The following RAPGEF4 variants were observed in gnomAD, a reference collection of about 807,000 sequenced individuals.
RAPGEF4 encodes the protein RAP guanine-nucleotide-exchange factor (GEF) 4.
In RAPGEF4, 66 loss-of-function variants were observed where a neutral mutation model predicts 147.9. That is an observed-to-expected ratio of 0.45 (90% CI 0.37 to 0.55). The LOEUF is 0.55. Among genes scored for constraint, RAPGEF4 ranks in the 20% least tolerant of loss-of-function variants. RAPGEF4 has a pLI of 0.00. For missense variants in RAPGEF4, 1,071 were observed against 1,257.3 expected (o/e 0.85, Z 2.24); for synonymous variants, 419 against 442.7 (o/e 0.95, Z 0.67).
intron 4 of RAPGEF4, among the ~76,000 whole-genome samples, chr2:172,860,466 A>T (rs1161169967): frequency 2.0e-5 from 3 of 152,160 alleles, no homozygotes; most frequent in African/African-American, 7.2e-5. Flanking sequence ...CTTAACAGAG[A>T]ACAGTTTAAC....
rs1301075495 is a variant in RAPGEF4, at chr2:172,754,858, C to T, written c.65+18810C>T. Among the ~76,000 whole-genome samples the T allele has an allele frequency of 3.9e-5, 6 of 152,180 alleles. No individual in the cohort carries two copies. In the South Asian group the frequency reaches 6.2e-4, roughly 16 times the overall value. On this transcript the variant is annotated intron_variant, in intron 1 of 30. Transcript: ENST00000397081. ...GAGATGGAGACCATCCTGGCTAACACGGTGAAACCCCATCTCTACTAAAAA... is the reference window on the plus strand; with the variant it reads ...GAGATGGAGACCATCCTGGCTAACATGGTGAAACCCCATCTCTACTAAAAA...
At chr2:173,021,666 A>G (rs1230330905) in intron 23 of RAPGEF4, among the ~76,000 whole-genome samples, 2 of 152,242 alleles carry the variant, frequency 1.3e-5, no homozygotes, top group African/African-American at 4.8e-5. Flanking sequence ...GAGAGTTTAC[A>G]TAAGGGATGC....
chr2:172,898,726 G>T lies in RAPGEF4; in HGVS notation c.445-19076G>T, dbSNP rs185851163. ...GGTCCAAGTTCAGAGTCCCTCACCT[G>T]GTTGCCCTCCCTATGGGCCGCCACA... On this transcript the variant is annotated intron_variant, in intron 4 of 30. Coordinates refer to ENST00000397081, the MANE Select transcript of RAPGEF4 (RefSeq NM_007023.4). 3.9e-5 allele frequency among the ~76,000 whole-genome samples: 6 copies of T among 152,234 alleles called. No homozygotes were observed. The East Asian group carries it at 1.2e-3, about 29-fold the overall frequency.
At chr2:172,750,796 T>C (rs774742878) in intron 1 of RAPGEF4, among the ~76,000 whole-genome samples, 1 of 152,242 alleles carries the variant, frequency 6.6e-6, no homozygotes, top group Non-Finnish European at 1.5e-5. Context: ...TTTGGAAATA[T>C]GTCTATTCAG....
chr2:172,910,626 GCAC>G (rs2150002897), intron 4 of RAPGEF4, among the ~76,000 whole-genome samples: 1 of 152,338 alleles, frequency 6.6e-6, no homozygotes, highest in Non-Finnish European at 1.5e-5. Context: ...GTTGATCTGA[GCAC>G]CTGGGGGCTG....
chr2:172,981,116 G>T (rs917484165), intron 10 of RAPGEF4, among the ~76,000 whole-genome samples: 17 of 152,176 alleles, frequency 1.1e-4, no homozygotes, highest in African/African-American at 3.9e-4. Flanking sequence ...TCCCAGCTGA[G>T]CTTTTCTCCT....
In RAPGEF4 at chr2:173,018,700, C is replaced by A. The variant is rs368051118; in HGVS notation, c.2053C>A (p.Arg685=). The A allele has an allele frequency of 6.2e-7, 1 of 1,614,110 alleles. No individual in the cohort carries two copies. Among genetic ancestry groups the A allele is most frequent in the Non-Finnish European group, 8.5e-7 (1 of 1,180,006 alleles). ...YCMDHTYTTI[R]VPVATSVKEV... ...CATGGACCACACCTACACAACCATT[C>A]GGGTGCCAGTGGCCACTTCGGTGAA... is the stretch of plus-strand genomic sequence containing the variant. The change falls in exon 22 of 31, where the codon CGG becomes AGG. Residue 685 remains arginine, a synonymous_variant. Transcript: ENST00000397081.
chr2:172,943,892 G>A (rs1319346084), intron 6 of RAPGEF4, among the ~76,000 whole-genome samples: 1 of 152,066 alleles, frequency 6.6e-6, no homozygotes, highest in Non-Finnish European at 1.5e-5. Flanking sequence ...AGATCACTGA[G>A]GTTAACCTCC....
intron 4 of RAPGEF4, among the ~76,000 whole-genome samples, chr2:172,818,533 T>C (rs1404694956): frequency 2.0e-5 from 3 of 152,116 alleles, no homozygotes; most frequent in East Asian, 1.9e-4. Flanking sequence ...GTTCATCTCA[T>C]TTGAGTGTTT....
intron 4 of RAPGEF4, among the ~76,000 whole-genome samples, chr2:172,841,087 T>C (rs1691535341): frequency 6.6e-6 from 1 of 152,206 alleles, no homozygotes; most frequent in Non-Finnish European, 1.5e-5. Flanking sequence ...ATGGTTTGGA[T>C]ATAGTTTGTT....
rs1018164717 is a variant in RAPGEF4, at chr2:173,026,846, A to G, written c.2379+149A>G. 4.2e-6 allele frequency: 5 copies of G among 1,180,658 alleles called. No homozygotes were observed. The African/African-American group carries it at 7.8e-5, about 18-fold the overall frequency. 73.1% of individuals were successfully genotyped at this position (1,180,658 alleles called of 1,614,324 possible). On this transcript the variant is annotated intron_variant, in intron 24 of 30. Transcript: ENST00000397081. ...ACTGAGCTTATAAATAAAGCATGCT[A>G]TAAAGCCTTTGAGTATTAAAGAAAA...
intron 17 of RAPGEF4, among the ~76,000 whole-genome samples, chr2:173,012,555 TTA>T (rs1302530378): frequency 1.3e-5 from 2 of 152,366 alleles, no homozygotes; most frequent in African/African-American, 4.8e-5. Context: ...TGTATTTTCA[TTA>T]TGTTAGTTTG....
At chr2:172,838,804 A>T (rs535522319) in intron 4 of RAPGEF4, among the ~76,000 whole-genome samples, 2 of 152,226 alleles carry the variant, frequency 1.3e-5, no homozygotes, top group East Asian at 1.9e-4. Flanking sequence ...TACACCAAAC[A>T]CAGTCACAGG....
intron 1 of RAPGEF4, among the ~76,000 whole-genome samples, chr2:172,776,567 A>G (rs1284921318): frequency 6.6e-6 from 1 of 152,120 alleles, no homozygotes; most frequent in Non-Finnish European, 1.5e-5. Context: ...TATGTGGATT[A>G]AACTCTCAGT....
At chr2:173,021,229 A>G (rs1443976522) in intron 23 of RAPGEF4, among the ~76,000 whole-genome samples, 1 of 152,208 alleles carries the variant, frequency 6.6e-6, no homozygotes, top group Non-Finnish European at 1.5e-5. Context: ...TTCTGTGAAG[A>G]AAAGACTAAT....
At chr2:172,909,274 G>T (rs369659433) in intron 4 of RAPGEF4, among the ~76,000 whole-genome samples, 1 of 152,146 alleles carries the variant, frequency 6.6e-6, no homozygotes, top group African/African-American at 2.4e-5. Flanking sequence ...AGGCCACCAC[G>T]CAAGAGTTTT....
At chr2:172,986,208 C>A (rs1315142254) in intron 12 of RAPGEF4, among the ~76,000 whole-genome samples, 1 of 152,232 alleles carries the variant, frequency 6.6e-6, no homozygotes, top group Non-Finnish European at 1.5e-5. Flanking sequence ...TCACAGGACA[C>A]AGCAGCATGC....
rs111444794 is a variant in RAPGEF4, at chr2:173,017,156, T to C, written c.1899-18T>C. On this transcript the variant is annotated intron_variant, in intron 19 of 30. Coordinates refer to ENST00000397081, the MANE Select transcript of RAPGEF4 (RefSeq NM_007023.4). ...GTAGCAATGGTATTAAATAATGTGC[T>C]TTCTCTACTTCTCGTAGCTCAGAAG... 2.7e-5 allele frequency: 44 copies of C among 1,611,164 alleles called. No individual in the cohort carries two copies. The African/African-American group carries it at 3.2e-4, about 12-fold the overall frequency.
chr2:172,922,388 T>G, intron 6 of RAPGEF4, 88 bp downstream of exon 6: 2 of 1,216,418 alleles, frequency 1.6e-6, no homozygotes, highest in Non-Finnish European at 2.4e-6. Flanking sequence ...AGAGAGCTCT[T>G]GACCCACATT....
Sources: gnomAD v4.1 joint callset for allele counts (sites outside exome capture counted in the v4.1 genomes callset) on GRCh38, gnomAD v4.1.1 for gene constraint, MANE v1.5 for transcripts, NCBI Gene and HGNC (gene_info 2026-07-23, HGNC 2026-07-21) for gene names.